ENOX1: variants seen among roughly 807,000 people sequenced by gnomAD.
ENOX1 encodes the protein ecto-NOX disulfide-thiol exchanger 1, also known as candidate growth-related and time keeping constitutive hydroquinone (NADH) oxidase.
ENOX1 carries 42 observed loss-of-function variants against 82.5 expected under a neutral mutation model. The observed-to-expected ratio is 0.51, with a 90% confidence interval of 0.40 to 0.66. The LOEUF (loss-of-function observed/expected upper bound fraction) is 0.66, where lower values mean the gene tolerates loss of function less well. Ranked by LOEUF, ENOX1 falls within the 30% of genes least tolerant of loss-of-function variation. The pLI is 0.00. For missense variants in ENOX1, 608 were observed against 811.6 expected, an observed-to-expected ratio of 0.75 and a Z score of 3.05; for synonymous variants, 271 against 282.2, an observed-to-expected ratio of 0.96 and a Z score of 0.40.
intron 9 of ENOX1, among the ~76,000 whole-genome samples, chr13:43,341,279 G>C (rs1000358933): frequency 2.7e-5 from 4 of 147,498 alleles, no homozygotes; most frequent in African/African-American, 5.2e-5. Context: ...CTGGGTGACA[G>C]AGTGAGACTC....
chr13:43,631,490 G>T (rs1023182928), intron 2 of ENOX1, among the ~76,000 whole-genome samples: 1 of 152,118 alleles, frequency 6.6e-6, no homozygotes. Context: ...GAGAAGAACT[G>T]CTAGGAATCG....
intron 1 of ENOX1, among the ~76,000 whole-genome samples, chr13:43,713,085 C>T (rs920305273): frequency 2.0e-5 from 3 of 152,100 alleles, no homozygotes; most frequent in Non-Finnish European, 4.4e-5. Context: ...GAGATTCGTC[C>T]CATCAGTACC....
At chr13:43,605,390 C>T (rs927599264) in intron 2 of ENOX1, among the ~76,000 whole-genome samples, 3 of 152,098 alleles carry the variant, frequency 2.0e-5, no homozygotes, top group Non-Finnish European at 2.9e-5. Context: ...AAAAGAATCA[C>T]ATTATCTGAC....
At chr13:43,592,943 G>T (rs996626273) in intron 2 of ENOX1, among the ~76,000 whole-genome samples, 1 of 152,144 alleles carries the variant, frequency 6.6e-6, no homozygotes, top group African/African-American at 2.4e-5. Context: ...TTCATAAATT[G>T]TTAAGGTTTT....
intron 1 of ENOX1, among the ~76,000 whole-genome samples, chr13:43,743,816 A>C (rs1949882370): frequency 6.6e-6 from 1 of 152,178 alleles, no homozygotes; most frequent in Non-Finnish European, 1.5e-5. Context: ...ACAGAGATTT[A>C]TTTCTTACAG....
chr13:43,305,893 A>G (rs2046831831), intron 11 of ENOX1, among the ~76,000 whole-genome samples: 1 of 152,244 alleles, frequency 6.6e-6, no homozygotes, highest in Admixed American at 6.5e-5. Context: ...CGCTGCAAGC[A>G]TGAGCTGAGC....
intron 5 of ENOX1, among the ~76,000 whole-genome samples, chr13:43,375,305 T>C (rs2051545752): frequency 6.6e-6 from 1 of 152,180 alleles, no homozygotes; most frequent in Non-Finnish European, 1.5e-5. Context: ...TGTATGTGTC[T>C]ATCCTCGATG....
chr13:43,295,234 C>T (rs2046224573), intron 12 of ENOX1, among the ~76,000 whole-genome samples: 1 of 152,186 alleles, frequency 6.6e-6, no homozygotes, highest in Non-Finnish European at 1.5e-5. Flanking sequence ...GCCTCACTAT[C>T]CCTGTGGCAG....
intron 14 of ENOX1, among the ~76,000 whole-genome samples, chr13:43,260,331 G>A (rs2043984878): frequency 6.6e-6 from 1 of 152,120 alleles, no homozygotes; most frequent in African/African-American, 2.4e-5. Context: ...GTTTGACAGT[G>A]GCAACCTTCA....
At chr13:43,736,591 T>C (rs1462078642) in intron 1 of ENOX1, among the ~76,000 whole-genome samples, 2 of 152,092 alleles carry the variant, frequency 1.3e-5, no homozygotes, top group Admixed American at 1.3e-4. Flanking sequence ...GTGGCATGCA[T>C]TGTCTGGTGA....
intron 3 of ENOX1, among the ~76,000 whole-genome samples, chr13:43,469,470 T>A (rs900490430): frequency 6.6e-6 from 1 of 151,986 alleles, no homozygotes; most frequent in Non-Finnish European, 1.5e-5. Flanking sequence ...AATATTACAA[T>A]TGTAGTTTCA....
chr13:43,443,271 A>G (rs1052757431), intron 3 of ENOX1, among the ~76,000 whole-genome samples: 2 of 152,178 alleles, frequency 1.3e-5, no homozygotes, highest in African/African-American at 4.8e-5. Context: ...TAAATGACCA[A>G]TGTTCCCATA....
chr13:43,460,026 C>A (rs1028457171), intron 3 of ENOX1, among the ~76,000 whole-genome samples: 2 of 151,966 alleles, frequency 1.3e-5, no homozygotes, highest in Admixed American at 6.6e-5. Flanking sequence ...CAACAAAAAA[C>A]CAAAACCAAA....
At chr13:43,497,967 T>TA (rs557325230) in intron 2 of ENOX1, among the ~76,000 whole-genome samples, 2 of 151,978 alleles carry the variant, frequency 1.3e-5, no homozygotes, top group Non-Finnish European at 2.9e-5. Flanking sequence ...TTTTATCTTA[T>TA]AAAAAAAACT....
chr13:43,380,725 C>G (rs2051983150), intron 5 of ENOX1, among the ~76,000 whole-genome samples: 1 of 151,276 alleles, frequency 6.6e-6, no homozygotes, highest in Admixed American at 6.6e-5. Flanking sequence ...ATACACCATG[C>G]TAACATTAAT....
intron 15 of ENOX1, among the ~76,000 whole-genome samples, chr13:43,235,659 C>A (rs1231705487): frequency 6.8e-6 from 1 of 148,074 alleles, no homozygotes; most frequent in Non-Finnish European, 1.5e-5. Context: ...TTGAACCCGG[C>A]AGAAGGAGGT....
intron 3 of ENOX1, among the ~76,000 whole-genome samples, chr13:43,477,653 G>T (rs1390090341): frequency 6.6e-6 from 1 of 152,090 alleles, no homozygotes; most frequent in African/African-American, 2.4e-5. Context: ...GTTATATTGA[G>T]TCCTCCAGCT....
intron 3 of ENOX1, among the ~76,000 whole-genome samples, chr13:43,482,294 T>C (rs572724435): frequency 6.6e-6 from 1 of 152,250 alleles, no homozygotes; most frequent in Admixed American, 6.5e-5. Flanking sequence ...GAACAGAAGA[T>C]TATTAAGCCT....
intron 2 of ENOX1, among the ~76,000 whole-genome samples, chr13:43,602,805 A>G (rs1355181900): frequency 6.6e-6 from 1 of 152,154 alleles, no homozygotes; most frequent in Non-Finnish European, 1.5e-5. Flanking sequence ...AAAATGTCCA[A>G]ACCAATCATG....
Sources: allele counts gnomAD v4.1 joint callset (sites outside exome capture counted in the v4.1 genomes callset), GRCh38; gene constraint gnomAD v4.1.1; transcripts MANE v1.5; gene names NCBI Gene and HGNC (gene_info 2026-07-23, HGNC 2026-07-21).